The following VPS13D variants were observed in gnomAD, a reference collection of about 807,000 sequenced individuals.
VPS13D encodes the protein intermembrane lipid transfer protein VPS13D.
Under a neutral mutation model 461.9 loss-of-function variants are expected in VPS13D, and 187 were observed. The ratio of observed to expected loss-of-function variants is 0.40; its 90% CI spans 0.36 to 0.46. The LOEUF (loss-of-function observed/expected upper bound fraction) is 0.46. Ranked by LOEUF, VPS13D falls within the 20% of genes least tolerant of loss-of-function variation. VPS13D has a pLI of 0.60. For missense variants in VPS13D, 4,711 were observed against 5,364.9 expected (o/e 0.88, Z 3.81); for synonymous variants, 1,951 against 1,986.3 (o/e 0.98, Z 0.47).
chr1:12,428,588 T>C (rs934358703), intron 65 of VPS13D, among the ~76,000 whole-genome samples: 1 of 152,158 alleles, frequency 6.6e-6, no homozygotes, highest in African/African-American at 2.4e-5. Context: ...TTGCCTCTGA[T>C]TGGGGTGCCC....
chr1:12,358,732 A>G (rs1483473383), intron 50 of VPS13D, 131 bp downstream of exon 50: 3 of 1,188,760 alleles, frequency 2.5e-6, no homozygotes, highest in African/African-American at 3.1e-5. Flanking sequence ...TGGGTCAGGT[A>G]TCTGTTCTCT....
chr1:12,321,523 T>C (rs1569899584), intron 32 of VPS13D, among the ~76,000 whole-genome samples: 1 of 152,194 alleles, frequency 6.6e-6, no homozygotes, highest in East Asian at 1.9e-4. Context: ...ATTTTTTTCT[T>C]TTTTGGCTAG....
chr1:12,475,955 G>T (rs752178635), intron 67 of VPS13D, among the ~76,000 whole-genome samples: 1 of 151,888 alleles, frequency 6.6e-6, no homozygotes, highest in Non-Finnish European at 1.5e-5. Flanking sequence ...ATGGTGTGTG[G>T]GTGTGAAAAA....
intron 65 of VPS13D, among the ~76,000 whole-genome samples, chr1:12,430,648 T>A (rs1271290762): frequency 2.0e-5 from 3 of 152,196 alleles, no homozygotes; most frequent in Non-Finnish European, 4.4e-5. Context: ...CTGAGCCCAC[T>A]CTTTTCCTAC....
intron 8 of VPS13D, among the ~76,000 whole-genome samples, 195 bp from the exon 9 acceptor site, chr1:12,256,792 C>T (rs973397124): frequency 2.7e-5 from 4 of 149,204 alleles, no homozygotes; most frequent in Middle Eastern, 3.2e-3. Context: ...ACAAGAGATA[C>T]GGCAATGTAT....
chr1:12,281,787 C>T (rs1267836851), intron 20 of VPS13D, among the ~76,000 whole-genome samples: 1 of 152,092 alleles, frequency 6.6e-6, no homozygotes, highest in Non-Finnish European at 1.5e-5. Flanking sequence ...TTAGGGGTTA[C>T]AAAATGGTCA....
In VPS13D at chr1:12,288,283, T is replaced by G. The variant is rs749034754; in HGVS notation, c.5695T>G (p.Ser1899Ala). 75 of 1,614,024 alleles carry G rather than the reference T, an allele frequency of 4.6e-5. No individual in the cohort carries two copies. The highest frequency in any genetic ancestry group is 5.8e-5 in the Non-Finnish European group (68 of 1,179,988). The stretch of plus-strand genomic sequence containing the variant: ...CAGTGAGCTTGCCAAAGCAAATGTG[T>G]CCAAATTAGTAGCACACCTGGAAAT... ...TTSELAKANVSKLVAHLEMIE... is the reference protein window; with the variant it reads ...TTSELAKANVAKLVAHLEMIE... Residue 1899 changes from serine to alanine, a missense_variant, in exon 22 of 70, where the codon TCC becomes GCC. Coordinates refer to ENST00000620676, the MANE Select transcript of VPS13D (RefSeq NM_015378.4).
At chr1:12,421,272 A>C (rs1644860721) in intron 65 of VPS13D, among the ~76,000 whole-genome samples, 1 of 152,196 alleles carries the variant, frequency 6.6e-6, no homozygotes, top group Non-Finnish European at 1.5e-5. Flanking sequence ...CGGAACTTCA[A>C]AGATCTGATC....
chr1:12,236,369 T>C (rs74370717), intron 2 of VPS13D, among the ~76,000 whole-genome samples: 17,264 of 151,866 alleles, frequency 0.11, 1,524 homozygotes, highest in African/African-American at 0.25. Context: ...GGGTACTAGA[T>C]AGGAATGAGA....
At chr1:12,366,531 G>T (rs1007742251) in intron 52 of VPS13D, among the ~76,000 whole-genome samples, 1 of 152,156 alleles carries the variant, frequency 6.6e-6, no homozygotes, top group African/African-American at 2.4e-5. Context: ...CCATTGTTTT[G>T]TATATTCCCT....
chr1:12,493,351 C>T (rs1478039817), intron 67 of VPS13D, among the ~76,000 whole-genome samples: 10 of 151,916 alleles, frequency 6.6e-5, no homozygotes, highest in African/African-American at 2.2e-4. Context: ...GGCATGGTGG[C>T]GGGCGCCTCT....
intron 67 of VPS13D, among the ~76,000 whole-genome samples, chr1:12,474,240 C>A (rs984924883): frequency 6.6e-6 from 1 of 152,030 alleles, no homozygotes; most frequent in Non-Finnish European, 1.5e-5. Context: ...TTCAGGCCAC[C>A]GTGGCTCATC....
chr1:12,331,137 A>G (rs891724124), intron 37 of VPS13D, among the ~76,000 whole-genome samples: 2 of 152,178 alleles, frequency 1.3e-5, no homozygotes, highest in African/African-American at 2.4e-5. Flanking sequence ...AGAAGCCATA[A>G]TATATTAGGG....
chr1:12,356,132 A>T, intron 48 of VPS13D, 42 bp downstream of exon 48: 1 of 1,553,262 alleles, frequency 6.4e-7, no homozygotes, highest in Non-Finnish European at 8.7e-7. Flanking sequence ...GGCGTTAGTC[A>T]TGGGAATTCA....
chr1:12,501,720 A>G (rs1435333923), intron 68 of VPS13D, among the ~76,000 whole-genome samples: 1 of 152,258 alleles, frequency 6.6e-6, no homozygotes, highest in Non-Finnish European at 1.5e-5. Context: ...GGAAGCAGAC[A>G]CTGTATTACC....
chr1:12,350,548 T>C (rs1354340941), intron 46 of VPS13D, among the ~76,000 whole-genome samples: 1 of 152,144 alleles, frequency 6.6e-6, no homozygotes, highest in Non-Finnish European at 1.5e-5. Flanking sequence ...GAAGTTATAG[T>C]TTGTAAATCC....
intron 25 of VPS13D, among the ~76,000 whole-genome samples, chr1:12,300,649 G>A (rs886527796): frequency 6.6e-6 from 1 of 152,154 alleles, no homozygotes; most frequent in Non-Finnish European, 1.5e-5. Flanking sequence ...GAGGTAATTA[G>A]GATGAGGACT....
chr1:12,283,590 T>G lies in VPS13D; in HGVS notation c.5488T>G (p.Leu1830Val). Reference protein sequence around the residue: ...LITLQTWVVILDFFGIGSTAD... With the variant: ...LITLQTWVVIVDFFGIGSTAD... The stretch of plus-strand genomic sequence containing the variant: ...CACACTGCAAACCTGGGTTGTGATA[T>G]TAGACTTTTTTGGAATCGGCTCCAC... The change falls in exon 21 of 70, where the codon TTA becomes GTA. Residue 1830 changes from leucine (L) to valine (V), a missense_variant. Transcript: ENST00000620676. 1 of 1,614,242 alleles carries G rather than the reference T, an allele frequency of 6.2e-7. No individual in the cohort carries two copies. Among genetic ancestry groups the G allele is most frequent in the Non-Finnish European group, 8.5e-7 (1 of 1,180,036 alleles).
intron 60 of VPS13D, among the ~76,000 whole-genome samples, chr1:12,391,952 C>G (rs1557752109): frequency 6.6e-6 from 1 of 152,008 alleles, no homozygotes; most frequent in Non-Finnish European, 1.5e-5. Context: ...CCTCCTCCTC[C>G]TGGGCTCAAG....
Sources: allele counts gnomAD v4.1 joint callset (sites outside exome capture counted in the v4.1 genomes callset), GRCh38; gene constraint gnomAD v4.1.1; transcripts MANE v1.5; gene names NCBI Gene and HGNC (gene_info 2026-07-23, HGNC 2026-07-21).